The following PCDHA9 variants were observed in gnomAD, a reference collection of about 807,000 sequenced individuals.
PCDHA9 encodes the protein protocadherin alpha-9.
A neutral mutation model predicts 62.0 loss-of-function variants in PCDHA9; 62 were observed. That is an observed-to-expected ratio of 1.00 (90% confidence interval 0.81 to 1.23). PCDHA9 has a LOEUF of 1.23. Ranked by LOEUF, PCDHA9 falls within the 50% of genes most tolerant of loss-of-function variation. The pLI is 0.00. For synonymous variants in PCDHA9, 557 were observed against 567.6 expected (o/e 0.98, Z 0.27); for missense variants, 1,205 against 1,249.8 (o/e 0.96, Z 0.54).
intron 1 of PCDHA9, among the ~76,000 whole-genome samples, chr5:140,943,588 T>C (rs1179171934): frequency 1.3e-5 from 2 of 152,176 alleles, no homozygotes; most frequent in Non-Finnish European, 2.9e-5. Context: ...TGAGTGGGGC[T>C]GAATTCTAAA....
At chr5:140,898,906 G>A (rs199581699) in intron 1 of PCDHA9, among the ~76,000 whole-genome samples, 45,464 of 151,416 alleles carry the variant, frequency 0.3, 7,269 homozygotes, top group East Asian at 0.52. Context: ...GGTCCTTCAC[G>A]TCCCTTGTAA....
intron 3 of PCDHA9, among the ~76,000 whole-genome samples, chr5:140,986,669 G>C (rs1448376850): frequency 6.6e-6 from 1 of 152,138 alleles, no homozygotes; most frequent in African/African-American, 2.4e-5. Flanking sequence ...ACAGTTTTCA[G>C]AAGAGTTCAG....
chr5:140,962,939 C>CA (rs2095722674), intron 1 of PCDHA9, among the ~76,000 whole-genome samples: 1 of 152,134 alleles, frequency 6.6e-6, no homozygotes, highest in African/African-American at 2.4e-5. Context: ...ACCTCCTCTC[C>CA]ATAAGATATG....
chr5:140,911,480 G>A (rs2075504387), intron 1 of PCDHA9, among the ~76,000 whole-genome samples: 1 of 152,142 alleles, frequency 6.6e-6, no homozygotes, highest in African/African-American at 2.4e-5. Flanking sequence ...CTCTCACTCA[G>A]GGCAATCTTA....
intron 1 of PCDHA9, among the ~76,000 whole-genome samples, chr5:140,906,517 TACTC>T (rs2072719927): frequency 2.0e-5 from 3 of 152,358 alleles, no homozygotes; most frequent in Admixed American, 6.5e-5. Context: ...AAGGAGGAAA[TACTC>T]ACGACAATTA....
chr5:140,876,473 G>A, intron 1 of PCDHA9: 1 of 1,614,038 alleles, frequency 6.2e-7, no homozygotes, highest in South Asian at 1.1e-5. Context: ...GCAGGTCACA[G>A]CATGGTCCTG....
chr5:140,941,173 A>G (rs1235741316), intron 1 of PCDHA9, among the ~76,000 whole-genome samples: 5 of 135,522 alleles, frequency 3.7e-5, no homozygotes, highest in Non-Finnish European at 4.9e-5. Flanking sequence ...CCCCATCTTG[A>G]ACATCCTGCT....
intron 3 of PCDHA9, among the ~76,000 whole-genome samples, chr5:141,008,415 C>T (rs782593921): frequency 2.0e-5 from 3 of 152,138 alleles, no homozygotes; most frequent in Non-Finnish European, 4.4e-5. Flanking sequence ...ATGTCATGGC[C>T]ACTGGGATCA....
At chr5:140,909,360 T>C (rs2074454382) in intron 1 of PCDHA9, among the ~76,000 whole-genome samples, 1 of 152,222 alleles carries the variant, frequency 6.6e-6, no homozygotes, top group South Asian at 2.1e-4. Flanking sequence ...ATGTGTTAAT[T>C]TGTTCAAGCA....
intron 3 of PCDHA9, among the ~76,000 whole-genome samples, chr5:141,000,343 C>G (rs1410684542): frequency 1.7e-5 from 2 of 116,202 alleles, no homozygotes; most frequent in Admixed American, 9.0e-5. Context: ...GGCCCTATCT[C>G]TCTCTCTGTC....
rs782457236 is a variant in PCDHA9 at position 140,883,560 on chromosome 5, G to A, written c.2394+32671G>A. 2 of 1,614,184 alleles carry A rather than the reference G, an allele frequency of 1.2e-6. No homozygotes were observed. Among genetic ancestry groups the A allele is most frequent in the Admixed American group, 1.7e-5 (1 of 60,028 alleles). ...CTGGTGGTGACCGCGCGGGACGGGGGCTCGCCTTCGCTGTGGGCCACGGCC... is the reference window on the plus strand; with the variant it reads ...CTGGTGGTGACCGCGCGGGACGGGGACTCGCCTTCGCTGTGGGCCACGGCC... On this transcript the variant is annotated intron_variant, in intron 1 of 3. Coordinates refer to ENST00000532602, the MANE Select transcript of PCDHA9 (RefSeq NM_031857.2).
rs188637090 is a variant in PCDHA9 at position 140,876,765 on chromosome 5, C to T, written c.2394+25876C>T. 1,055 of 1,614,234 alleles carry T rather than the reference C, an allele frequency of 6.5e-4. 5 individuals are homozygous for T. The African/African-American group carries it at 0.01, about 15-fold the overall frequency. ...TGGTGGTGACTGCGCGGGATGGGGG[C>T]TCGCCTTCGCTGTGGGCCACGGCTA... On this transcript the variant is annotated intron_variant, in intron 1 of 3. Transcript: ENST00000532602.
rs773891459 is a variant in PCDHA9, at chr5:140,856,191, C to T, written c.2394+5302C>T. The T allele has an allele frequency of 7.5e-6, 12 of 1,598,058 alleles. No homozygotes were observed. The South Asian group carries it at 1.2e-4, about 16-fold the overall frequency. On this transcript the variant is annotated intron_variant, in intron 1 of 3. Transcript: ENST00000532602. ...CACGGCACCTTCGTGGGCCGCATCG[C>T]GCAGGACCTGGGGCTGGAGCTGGCG...
chr5:140,946,611 AATATATATAT>A (rs1554217734), intron 1 of PCDHA9, among the ~76,000 whole-genome samples: 3 of 86,806 alleles, frequency 3.5e-5, no homozygotes, highest in African/African-American at 1.3e-4. Flanking sequence ...GAAAATGTGA[AATATATATAT>A]ATATATATAT....
At chr5:140,917,157 G>A (rs77234668) in intron 1 of PCDHA9, among the ~76,000 whole-genome samples, 2,784 of 152,240 alleles carry the variant, frequency 0.018, 84 homozygotes, top group African/African-American at 0.063. Context: ...TGGGGGATAT[G>A]GGAGGGGTGA....
rs782163731 is a variant in PCDHA9, at chr5:140,869,573, C to A, written c.2394+18684C>A. 8 of 1,614,154 alleles carry A rather than the reference C, an allele frequency of 5.0e-6. No homozygotes were observed. In the East Asian group the frequency reaches 1.8e-4, roughly 36 times the overall value. ...GACTCGCGTTTTCCACTAGAGGGAG[C>A]TTCTGATGCTGACATTGAAGAGAAT... On this transcript the variant is annotated intron_variant, in intron 1 of 3. Coordinates refer to ENST00000532602, the MANE Select transcript of PCDHA9 (RefSeq NM_031857.2).
intron 3 of PCDHA9, among the ~76,000 whole-genome samples, chr5:140,996,747 T>C (rs940274322): frequency 1.3e-5 from 2 of 152,190 alleles, no homozygotes; most frequent in Non-Finnish European, 2.9e-5. Flanking sequence ...TAACAAATTA[T>C]ATCTGTGCAG....
At chr5:140,941,023 T>C (rs2153648150) in intron 1 of PCDHA9, among the ~76,000 whole-genome samples, 1 of 152,338 alleles carries the variant, frequency 6.6e-6, no homozygotes, top group African/African-American at 2.4e-5. Flanking sequence ...ATTTTCCTTC[T>C]GGCCTTTTTG....
intron 1 of PCDHA9, chr5:140,926,622 G>A: frequency 2.5e-6 from 1 of 396,424 alleles, no homozygotes. Context: ...CCCCTAGGCG[G>A]CGCTGCGCTC....
Sources: gnomAD v4.1 joint callset for allele counts (sites outside exome capture counted in the v4.1 genomes callset) on GRCh38, gnomAD v4.1.1 for gene constraint, MANE v1.5 for transcripts, NCBI Gene and HGNC (gene_info 2026-07-23, HGNC 2026-07-21) for gene names.